The following MLLT1 variants were observed in gnomAD, a reference collection of about 807,000 sequenced individuals.
MLLT1 encodes the protein MLLT1 super elongation complex subunit, also known as protein ENL.
Under a neutral mutation model 55.1 loss-of-function variants are expected in MLLT1, and 11 were observed. That is an observed-to-expected ratio of 0.20 (90% CI 0.13 to 0.33). The LOEUF (loss-of-function observed/expected upper bound fraction) is 0.33. MLLT1 is among the 10% of genes least tolerant of loss of function. The pLI is 1.00. For synonymous variants in MLLT1, 323 were observed against 320.1 expected, an observed-to-expected ratio of 1.01 and a Z score of -0.10; for missense variants, 536 against 760.6, an observed-to-expected ratio of 0.70 and a Z score of 3.47.
rs1187334263 is a variant in MLLT1, at chr19:6,256,021, GC to G, written c.276+6206del. Among the ~76,000 whole-genome samples the G allele has an allele frequency of 6.6e-6, 1 of 151,990 alleles. No homozygotes were observed. Among genetic ancestry groups the G allele is most frequent in the Non-Finnish European group, 1.5e-5 (1 of 68,000 alleles). On this transcript the variant is annotated intron_variant, in intron 3 of 11. Transcript: ENST00000252674. This position sits in a 1 kb window ranked among gnomAD's most constrained non-coding sequence, Gnocchi z 4.1. ...ATCACCTGAGGTCAGTTCGAGACCA[GC>G]CTGGCCAATGTGGTGAAACCCCATC...
At chr19:6,258,127 T>A (rs756441581) in intron 3 of MLLT1, among the ~76,000 whole-genome samples, 1 of 152,294 alleles carries the variant, frequency 6.6e-6, no homozygotes, top group South Asian at 2.1e-4. Flanking sequence ...TGCAATTCCA[T>A]TCCTAGGTGT....
At chr19:6,245,406 T>C (rs541998320) in intron 3 of MLLT1, among the ~76,000 whole-genome samples, 2 of 152,008 alleles carry the variant, frequency 1.3e-5, no homozygotes, top group South Asian at 2.1e-4. Flanking sequence ...AAAAAGTTTT[T>C]TTAATAACTC....
chr19:6,245,257 C>CTT (rs71172798), intron 3 of MLLT1, among the ~76,000 whole-genome samples: 1 of 133,742 alleles, frequency 7.5e-6, no homozygotes, highest in South Asian at 2.4e-4. Flanking sequence ...TTCTTTCTTT[C>CTT]TTTTTTTTTT....
intron 3 of MLLT1, among the ~76,000 whole-genome samples, chr19:6,257,186 T>C (rs984997773): frequency 3.3e-5 from 5 of 152,170 alleles, no homozygotes; most frequent in African/African-American, 1.2e-4. Flanking sequence ...TAGAATTTCA[T>C]AAACATTTAA....
At position 6,251,656 on chromosome 19, in the gene MLLT1, G is replaced by A. The variant is rs143449949; in HGVS notation, c.276+10572C>T. On this transcript the variant is annotated intron_variant, in intron 3 of 11. Coordinates refer to ENST00000252674, the MANE Select transcript of MLLT1 (RefSeq NM_005934.4). ...AAATACCTAGAGGACCTGGCACAGT[G>A]GCTCATGCCTATAATCCCAGCACTT... is the stretch of plus-strand genomic sequence containing the variant. 4.0e-3 allele frequency among the ~76,000 whole-genome samples: 614 copies of A among 152,280 alleles called. 13 individuals are homozygous for A. The highest frequency in any genetic ancestry group is 9.4e-4 in the Non-Finnish European group (64 of 68,036).
chr19:6,244,304 A>G (rs1182660269), intron 3 of MLLT1, among the ~76,000 whole-genome samples: 1 of 151,964 alleles, frequency 6.6e-6, no homozygotes, highest in African/African-American at 2.4e-5. Flanking sequence ...GAAGAAATCC[A>G]TGAAACTCCA....
intron 1 of MLLT1, among the ~76,000 whole-genome samples, chr19:6,272,703 G>A (rs1032313462): frequency 2.6e-5 from 4 of 152,214 alleles, no homozygotes; most frequent in African/African-American, 9.7e-5. Flanking sequence ...AGGCCTGGAC[G>A]ATGCTGGATT....
chr19:6,279,684 G>T (rs927742092), intron 1 of MLLT1, 89 bp downstream of exon 1: 1 of 149,476 alleles, frequency 6.7e-6, no homozygotes, highest in Non-Finnish European at 1.5e-5. Context: ...GGCGCGGAGC[G>T]GGGAGGCCGG....
intron 8 of MLLT1, 45 bp downstream of exon 8, chr19:6,216,359 GC>G: frequency 7.1e-7 from 1 of 1,410,916 alleles, no homozygotes; most frequent in Non-Finnish European, 9.8e-7. Flanking sequence ...AGCCGGAGTC[GC>G]CCCGGGTGGC....
chr19:6,228,687 C>G (rs1471542307), intron 4 of MLLT1, among the ~76,000 whole-genome samples: 1 of 152,190 alleles, frequency 6.6e-6, no homozygotes, highest in Non-Finnish European at 1.5e-5. Context: ...TCACCTGCTG[C>G]TAGACGGCCA....
At chr19:6,218,137 A>G in intron 6 of MLLT1, 96 bp from the exon 7 acceptor site, 1 of 1,490,644 alleles carries the variant, frequency 6.7e-7, no homozygotes, top group Non-Finnish European at 9.0e-7. Flanking sequence ...AGCTACGCTG[A>G]GTGGGTCTCC....
intron 3 of MLLT1, among the ~76,000 whole-genome samples, chr19:6,233,094 G>A (rs1050164655): frequency 1.3e-5 from 2 of 152,200 alleles, no homozygotes; most frequent in African/African-American, 4.8e-5. Context: ...CACACCCTCA[G>A]TCCTGGTGAG....
At chr19:6,267,794 A>G (rs1480195326) in intron 2 of MLLT1, among the ~76,000 whole-genome samples, 1 of 152,230 alleles carries the variant, frequency 6.6e-6, no homozygotes, top group Non-Finnish European at 1.5e-5. Flanking sequence ...TAAGCTTAAC[A>G]ACGTCCATTG....
intron 2 of MLLT1, among the ~76,000 whole-genome samples, chr19:6,266,441 GTCTTA>G (rs1028085160): frequency 6.6e-6 from 1 of 151,948 alleles, no homozygotes; most frequent in Admixed American, 6.6e-5. Context: ...TACTGCCCAC[GTCTTA>G]TAAATTTTTT....
chr19:6,228,541 C>T (rs1160720541), intron 4 of MLLT1, among the ~76,000 whole-genome samples: 1 of 152,134 alleles, frequency 6.6e-6, no homozygotes, highest in Non-Finnish European at 1.5e-5. Flanking sequence ...GCTGGAACGG[C>T]GGAAAGTCCT....
At chr19:6,234,379 C>T (rs978394300) in intron 3 of MLLT1, among the ~76,000 whole-genome samples, 4 of 152,234 alleles carry the variant, frequency 2.6e-5, no homozygotes, top group African/African-American at 9.6e-5. Flanking sequence ...GGAAGCCACA[C>T]CCTCCGGCCT....
rs558678596 is a variant in MLLT1, at chr19:6,227,683, G to C, written c.421-581C>G. On this transcript the variant is annotated intron_variant, in intron 4 of 11. Coordinates refer to ENST00000252674, the MANE Select transcript of MLLT1 (RefSeq NM_005934.4). This position sits in a 1 kb window ranked among gnomAD's most constrained non-coding sequence, Gnocchi z 5.1. ...CTGTGCCTACTGGGGGGGTCTCTCTGCAAAGCAGGCCCGAGTGAGCCAGCG... is the reference window on the plus strand; with the variant it reads ...CTGTGCCTACTGGGGGGGTCTCTCTCCAAAGCAGGCCCGAGTGAGCCAGCG... Among the ~76,000 whole-genome samples the C allele has an allele frequency of 3.3e-5, 5 of 152,320 alleles. No homozygotes were observed. The East Asian group carries it at 9.7e-4, about 29-fold the overall frequency.
chr19:6,222,174 C>A lies in MLLT1; in HGVS notation c.1057G>T (p.Ala353Ser). 1 of 1,583,174 alleles carries A rather than the reference C, an allele frequency of 6.3e-7. No individual in the cohort carries two copies. The highest frequency in any genetic ancestry group is 8.6e-7 in the Non-Finnish European group (1 of 1,164,272). Residue 353 changes from alanine to serine, a missense_variant, in exon 6 of 12, where the codon GCC becomes TCC. Ala to Ser is a moderately conservative substitution (Grantham distance 99). Transcript: ENST00000252674. The surrounding 1 kb of genome is among the most constrained non-coding windows in gnomAD (Gnocchi z 4.1). Reference sequence around the variant, plus strand: ...GAGTTGGACTCCTCCACCTCCAGGGCCTTTTTGGCCTCCCGGGGCTCACTC... The same window carrying A: ...GAGTTGGACTCCTCCACCTCCAGGGACTTTTTGGCCTCCCGGGGCTCACTC... ...AESEPREAKKALEVEESNSED... is the reference protein window; with the variant it reads ...AESEPREAKKSLEVEESNSED...
At chr19:6,268,122 G>T (rs897472872) in intron 2 of MLLT1, among the ~76,000 whole-genome samples, 2 of 152,226 alleles carry the variant, frequency 1.3e-5, no homozygotes, top group Admixed American at 6.5e-5. Context: ...GCATATGGCT[G>T]TGTGGGTGTA....
Sources: gnomAD v4.1 joint callset for allele counts (sites outside exome capture counted in the v4.1 genomes callset) on GRCh38, gnomAD v4.1.1 for gene constraint, Gnocchi (gnomAD v3.1) non-coding constraint, MANE v1.5 for transcripts, NCBI Gene and HGNC (gene_info 2026-07-23, HGNC 2026-07-21) for gene names.